The following SHPRH variants were observed in gnomAD, a reference collection of about 807,000 sequenced individuals.
The protein encoded by SHPRH is SNF2 histone linker PHD RING helicase.
SHPRH carries 106 observed loss-of-function variants against 202.5 expected under a neutral mutation model. The ratio of observed to expected loss-of-function variants is 0.52; its 90% CI spans 0.45 to 0.62. The LOEUF (loss-of-function observed/expected upper bound fraction) is 0.62, where lower values mean the gene tolerates loss of function less well. Ranked by LOEUF, SHPRH falls within the 20% of genes least tolerant of loss-of-function variation. SHPRH has a pLI of 0.00. For missense variants in SHPRH, 1,710 were observed against 2,020.0 expected, an observed-to-expected ratio of 0.85 and a Z score of 2.94; for synonymous variants, 729 against 686.0, an observed-to-expected ratio of 1.06 and a Z score of -0.98.
In SHPRH at chr6:145,955,110, C is replaced by T; in HGVS notation, c.213G>A (p.Lys71=). Residue 71 remains lysine (K), a synonymous_variant, in exon 2 of 30, where the codon AAG becomes AAA. Coordinates refer to ENST00000275233, the MANE Select transcript of SHPRH (RefSeq NM_001042683.3). ...AGAAGCTCACCACTTTTGAACACCT[C>T]TTCTTATCTCTGTGAGCCACTTCTT... The part of the protein sequence containing the change: ...LKEEVAHRDK[K]RCSKVVSFSK... 1 of 1,613,578 alleles carries T rather than the reference C, an allele frequency of 6.2e-7. No individual in the cohort carries two copies. The highest frequency in any genetic ancestry group is 1.3e-5 in the African/African-American group (1 of 75,026).
downstream of SHPRH, chr6:145,883,944 G>A (rs1028521713): frequency 6.6e-6 from 1 of 152,056 alleles, no homozygotes; most frequent in East Asian, 1.9e-4. Context: ...TATTCAGCAC[G>A]GTGATCTCTG....
intron 29 of SHPRH, among the ~76,000 whole-genome samples, chr6:145,887,014 T>C (rs1006125639): frequency 1.3e-5 from 2 of 152,202 alleles, no homozygotes; most frequent in African/African-American, 4.8e-5. Context: ...CTCTGTGCAA[T>C]TAATAGAACA....
chr6:145,940,081 T>C (rs1385273674), intron 11 of SHPRH, among the ~76,000 whole-genome samples: 1 of 152,196 alleles, frequency 6.6e-6, no homozygotes, highest in Non-Finnish European at 1.5e-5. Flanking sequence ...AAATGCAGTG[T>C]CCGTTCTACT....
intron 3 of SHPRH, 116 bp from the exon 4 acceptor site, chr6:145,950,598 G>GCT (rs1787877374): frequency 2.4e-6 from 2 of 835,928 alleles, no homozygotes; most frequent in African/African-American, 1.7e-5. Context: ...TGCTCAGTGT[G>GCT]TTTTGTCACT....
chr6:145,959,774 G>C (rs924388055), intron 1 of SHPRH, among the ~76,000 whole-genome samples: 3 of 152,158 alleles, frequency 2.0e-5, no homozygotes, highest in Non-Finnish European at 2.9e-5. Flanking sequence ...TATTCCCTTA[G>C]CCCGTGCTTC....
At chr6:145,859,374 T>C (rs1779512113), downstream of SHPRH, among the ~76,000 whole-genome samples, 1 of 152,026 alleles carries the variant, frequency 6.6e-6, no homozygotes, top group Admixed American at 6.5e-5. Context: ...TGATTTTTAT[T>C]TAGTATGGCA....
intron 24 of SHPRH, 64 bp downstream of exon 24, chr6:145,913,414 T>C (rs1176231518): frequency 3.5e-6 from 5 of 1,427,736 alleles, no homozygotes; most frequent in Non-Finnish European, 4.9e-6. Flanking sequence ...AAAGATTTTA[T>C]GTAGAAACCT....
chr6:145,927,815 T>C (rs1220431531), intron 14 of SHPRH, among the ~76,000 whole-genome samples: 1 of 152,014 alleles, frequency 6.6e-6, no homozygotes, highest in Non-Finnish European at 1.5e-5. Context: ...AAAAACTTCA[T>C]GTCAGAAACT....
intron 25 of SHPRH, chr6:145,906,660 T>C (rs1447376610): frequency 1.3e-5 from 2 of 152,108 alleles, no homozygotes; most frequent in African/African-American, 4.8e-5. Flanking sequence ...AAGTGATGTC[T>C]TTCTGTTTTC....
At chr6:145,909,689 A>G (rs1442061576) in intron 25 of SHPRH, 1 of 152,136 alleles carries the variant, frequency 6.6e-6, no homozygotes, top group South Asian at 2.1e-4. Context: ...ATCATTCTCT[A>G]ATTCTCATTC....
intron 1 of SHPRH, among the ~76,000 whole-genome samples, chr6:145,958,646 T>C (rs1455318729): frequency 6.6e-6 from 1 of 152,176 alleles, no homozygotes; most frequent in East Asian, 1.9e-4. Context: ...CTAGCTACTA[T>C]TGGCCAAAGC....
chr6:145,867,617 T>TAGAGAG, intron 2 of SHPRH, among the ~76,000 whole-genome samples: 3 of 69,232 alleles, frequency 4.3e-5, no homozygotes, highest in African/African-American at 2.1e-4. Flanking sequence ...TATATATATA[T>TAGAGAG]ATATATATAT....
intron 9 of SHPRH, among the ~76,000 whole-genome samples, 196 bp from the exon 10 acceptor site, chr6:145,942,070 T>C (rs746879572): frequency 6.6e-6 from 1 of 152,158 alleles, no homozygotes; most frequent in Non-Finnish European, 1.5e-5. Flanking sequence ...TGCAACAAAC[T>C]GTAATAAATG....
At chr6:145,947,027 C>G (rs778695393) in intron 6 of SHPRH, among the ~76,000 whole-genome samples, 12 of 151,966 alleles carry the variant, frequency 7.9e-5, no homozygotes, top group Non-Finnish European at 1.5e-4. Context: ...TATTTTGGGA[C>G]AAGGACTTGA....
intron 2 of SHPRH, among the ~76,000 whole-genome samples, chr6:145,874,989 C>A (rs1347355821): frequency 6.6e-6 from 1 of 152,142 alleles, no homozygotes; most frequent in Non-Finnish European, 1.5e-5. Flanking sequence ...TCCCAAATCC[C>A]AAAATCCCAA....
intron 2 of SHPRH, among the ~76,000 whole-genome samples, chr6:145,878,445 A>G (rs1007672718): frequency 2.6e-5 from 4 of 152,150 alleles, no homozygotes; most frequent in African/African-American, 9.7e-5. Context: ...CGTTTTGTTT[A>G]TTCATTCCTT....
chr6:145,859,802 T>A (rs748025926), downstream of SHPRH, among the ~76,000 whole-genome samples: 1 of 151,968 alleles, frequency 6.6e-6, no homozygotes, highest in Non-Finnish European at 1.5e-5. Flanking sequence ...TAGCAGAATG[T>A]GTTGGAATGG....
intron 25 of SHPRH, chr6:145,903,353 CAG>C (rs990029322): frequency 8.7e-5 from 13 of 149,420 alleles, no homozygotes; most frequent in East Asian, 7.9e-4. Context: ...AAAAAAAAAA[CAG>C]AATAGAATTC....
At chr6:145,923,110 T>C (rs1784568217) in intron 18 of SHPRH, among the ~76,000 whole-genome samples, 1 of 151,880 alleles carries the variant, frequency 6.6e-6, no homozygotes, top group Admixed American at 6.6e-5. Context: ...CAGATATCTT[T>C]GAAAGTGTAC....
Sources: gnomAD v4.1 joint callset for allele counts (sites outside exome capture counted in the v4.1 genomes callset) on GRCh38, gnomAD v4.1.1 for gene constraint, MANE v1.5 for transcripts, NCBI Gene and HGNC (gene_info 2026-07-23, HGNC 2026-07-21) for gene names.